Variants in ADAMTSL1 observed in about 807,000 individuals in gnomAD.
ADAMTSL1 encodes the protein ADAMTS like 1.
Under a neutral mutation model 201.8 loss-of-function variants are expected in ADAMTSL1, and 126 were observed. That is an observed-to-expected ratio of 0.62 (90% CI 0.54 to 0.72). ADAMTSL1 has a LOEUF of 0.72. ADAMTSL1 is among the 30% of genes least tolerant of loss of function. The pLI, the probability that ADAMTSL1 is intolerant of heterozygous loss-of-function variation, is 0.00. For synonymous variants in ADAMTSL1, 1,121 were observed against 903.4 expected (o/e 1.24, Z -4.32); for missense variants, 2,679 against 2,277.8 (o/e 1.18, Z -3.59).
chr9:18,329,964 T>C (rs1489848407), intron 2 of ADAMTSL1, among the ~76,000 whole-genome samples: 5 of 152,226 alleles, frequency 3.3e-5, no homozygotes, highest in African/African-American at 1.2e-4. Context: ...TATCTGTATA[T>C]GTCATATGTA....
chr9:18,618,841 C>T (rs1236612707), intron 4 of ADAMTSL1, among the ~76,000 whole-genome samples: 1 of 152,102 alleles, frequency 6.6e-6, no homozygotes, highest in South Asian at 2.1e-4. Flanking sequence ...TTTCTCATGA[C>T]CAATGAGAAA....
intron 16 of ADAMTSL1, among the ~76,000 whole-genome samples, chr9:18,760,136 A>T (rs1031019372): frequency 1.2e-4 from 18 of 152,324 alleles, no homozygotes; most frequent in African/African-American, 4.3e-4. Flanking sequence ...ATCATTATCA[A>T]GTAGGTGACA....
At chr9:18,720,037 C>A (rs989385544) in intron 14 of ADAMTSL1, among the ~76,000 whole-genome samples, 1 of 152,280 alleles carries the variant, frequency 6.6e-6, no homozygotes, top group East Asian at 1.9e-4. Flanking sequence ...ATGTAAGTAT[C>A]TTTATATACA....
At chr9:18,512,849 T>A (rs937638625) in intron 2 of ADAMTSL1, among the ~76,000 whole-genome samples, 1 of 152,200 alleles carries the variant, frequency 6.6e-6, no homozygotes, top group Non-Finnish European at 1.5e-5. Context: ...ACAGCAGACA[T>A]TCAAATGTTT....
chr9:18,027,961 G>C lies in ADAMTSL1; in HGVS notation c.87+121039G>C, dbSNP rs112427942. Among the ~76,000 whole-genome samples the C allele has an allele frequency of 3.4e-3, 522 of 152,146 alleles. 3 individuals carry two copies. The highest frequency in any genetic ancestry group is 0.012 in the African/African-American group (486 of 41,532). On this transcript the variant is annotated intron_variant, in intron 1 of 29. Transcript: ENST00000680146. ...GTTGAATTGAACCATTTATCACTAT[G>C]TAATGACCTTCTTTGTTCTTTTTTA... is the stretch of plus-strand genomic sequence containing the variant.
chr9:18,828,226 T>C (rs1468684727), intron 22 of ADAMTSL1, among the ~76,000 whole-genome samples: 1 of 152,142 alleles, frequency 6.6e-6, no homozygotes, highest in African/African-American at 2.4e-5. Flanking sequence ...CCCTGGAGAA[T>C]TTACAGTTTT....
intron 3 of ADAMTSL1, among the ~76,000 whole-genome samples, chr9:18,561,512 G>C (rs545054940): frequency 2.0e-5 from 3 of 152,270 alleles, no homozygotes; most frequent in East Asian, 3.9e-4. Flanking sequence ...CTGTTGATTT[G>C]GGGTGGACGG....
At chr9:18,298,893 C>T (rs1170181510) in intron 2 of ADAMTSL1, among the ~76,000 whole-genome samples, 2 of 151,848 alleles carry the variant, frequency 1.3e-5, no homozygotes, top group African/African-American at 4.8e-5. Flanking sequence ...CGCCTGTAGT[C>T]CCAGCTACTA....
At chr9:18,785,748 G>A (rs777255795) in intron 19 of ADAMTSL1, among the ~76,000 whole-genome samples, 5 of 152,186 alleles carry the variant, frequency 3.3e-5, no homozygotes, top group Admixed American at 6.5e-5. Flanking sequence ...GGAGGCTTAC[G>A]TAATATGGAC....
chr9:18,465,208 A>G (rs1820957244), intron 2 of ADAMTSL1, among the ~76,000 whole-genome samples: 1 of 152,188 alleles, frequency 6.6e-6, no homozygotes, highest in South Asian at 2.1e-4. Context: ...GCCAGTATGA[A>G]ATGGGCCAAG....
At chr9:18,053,765 T>C (rs1822047647) in intron 1 of ADAMTSL1, among the ~76,000 whole-genome samples, 1 of 152,188 alleles carries the variant, frequency 6.6e-6, no homozygotes, top group East Asian at 1.9e-4. Context: ...CTGAGCACTC[T>C]TGATGTACCA....
chr9:18,657,749 A>C lies in ADAMTSL1; in HGVS notation c.945A>C (p.Gly315=), dbSNP rs1424570534. 1 of 1,610,890 alleles carries C rather than the reference A, an allele frequency of 6.2e-7. No individual in the cohort carries two copies. The highest frequency in any genetic ancestry group is 1.1e-5 in the South Asian group (1 of 91,014). ...DFFPCSATCG[G]GYQLTSAECY... The stretch of plus-strand genomic sequence containing the variant: ...TTCCTTGCTCAGCAACCTGTGGAGG[A>C]GGTAATGGTGTTCACTTAGTCTAAA... The change falls in exon 8 of 29, where the codon GGA becomes GGC. Residue 315 remains glycine, a splice_region_variant and synonymous_variant. Transcript: ENST00000380548.
At chr9:18,029,785 C>G (rs1268929816) in intron 1 of ADAMTSL1, among the ~76,000 whole-genome samples, 1 of 152,156 alleles carries the variant, frequency 6.6e-6, no homozygotes, top group Non-Finnish European at 1.5e-5. Flanking sequence ...TAGCCAAAAA[C>G]ACATGAAAAA....
chr9:18,495,704 T>C (rs16936801), intron 1 of ADAMTSL1, among the ~76,000 whole-genome samples: 7,040 of 152,226 alleles, frequency 0.046, 555 homozygotes, highest in African/African-American at 0.16. Context: ...TAGAACAAAG[T>C]CATCTAGGTT....
chr9:17,960,498 A>G (rs1021155931), intron 1 of ADAMTSL1, among the ~76,000 whole-genome samples: 1 of 152,154 alleles, frequency 6.6e-6, no homozygotes, highest in Non-Finnish European at 1.5e-5. Context: ...AAACTCCACC[A>G]TTGACTGTGT....
chr9:17,932,259 C>T (rs566791734), intron 1 of ADAMTSL1, among the ~76,000 whole-genome samples: 2 of 152,320 alleles, frequency 1.3e-5, no homozygotes, highest in African/African-American at 4.8e-5. Context: ...AAAGCCACAT[C>T]TGTTGAGACC....
chr9:18,252,780 T>C (rs919226895), intron 2 of ADAMTSL1, among the ~76,000 whole-genome samples: 6 of 152,228 alleles, frequency 3.9e-5, no homozygotes, highest in Non-Finnish European at 8.8e-5. Context: ...ATGAGCATCT[T>C]AAATGTTGCT....
At chr9:17,941,855 G>C (rs769088407) in intron 1 of ADAMTSL1, among the ~76,000 whole-genome samples, 3 of 152,042 alleles carry the variant, frequency 2.0e-5, no homozygotes, top group Non-Finnish European at 4.4e-5. Flanking sequence ...TTTGATGAGG[G>C]TCTACTCCCT....
intron 1 of ADAMTSL1, among the ~76,000 whole-genome samples, chr9:18,026,309 C>T (rs891865613): frequency 1.3e-5 from 2 of 151,978 alleles, no homozygotes; most frequent in African/African-American, 4.8e-5. Flanking sequence ...ATGCTGCCAG[C>T]ATTTACCCAT....
Sources: gnomAD v4.1 joint callset for allele counts (sites outside exome capture counted in the v4.1 genomes callset) on GRCh38, gnomAD v4.1.1 for gene constraint, MANE v1.5 for transcripts, NCBI Gene and HGNC (gene_info 2026-07-23, HGNC 2026-07-21) for gene names.